Variants in MSRB3 observed in about 807,000 individuals in gnomAD.
The protein encoded by MSRB3 is methionine sulfoxide reductase B3.
Under a neutral mutation model 21.0 loss-of-function variants are expected in MSRB3, and 13 were observed. The observed-to-expected ratio is 0.62, with a 90% confidence interval of 0.40 to 0.98. MSRB3 has a LOEUF of 0.98. Ranked by LOEUF, MSRB3 falls within the 50% of genes least tolerant of loss-of-function variation. MSRB3 has a pLI of 0.00. For synonymous variants in MSRB3, 87 were observed against 88.6 expected, an observed-to-expected ratio of 0.98 and a Z score of 0.10; for missense variants, 199 against 230.3, an observed-to-expected ratio of 0.86 and a Z score of 0.88.
At chr12:65,347,079 G>A (rs559606521) in intron 4 of MSRB3, among the ~76,000 whole-genome samples, 34 of 152,242 alleles carry the variant, frequency 2.2e-4, no homozygotes, top group African/African-American at 7.7e-4. Context: ...CTCTGTTTTG[G>A]TTCCATATGA....
intron 5 of MSRB3, among the ~76,000 whole-genome samples, chr12:65,434,596 A>G (rs1882035423): frequency 6.6e-6 from 1 of 151,880 alleles, no homozygotes; most frequent in Non-Finnish European, 1.5e-5. Context: ...AGTTGTAAAA[A>G]TTCCAGTCCA....
intron 1 of MSRB3, among the ~76,000 whole-genome samples, chr12:65,307,188 G>A (rs1489320692): frequency 6.6e-6 from 1 of 152,124 alleles, no homozygotes; most frequent in East Asian, 1.9e-4. Context: ...GCAGTCACTC[G>A]TGAAAATGAC....
intron 4 of MSRB3, among the ~76,000 whole-genome samples, chr12:65,347,293 T>A (rs1034881458): frequency 2.0e-5 from 3 of 152,186 alleles, no homozygotes; most frequent in Admixed American, 6.6e-5. Flanking sequence ...CTTGAAGAGA[T>A]CCTTCACGTC....
At chr12:65,371,839 T>G (rs2136539338) in intron 5 of MSRB3, among the ~76,000 whole-genome samples, 1 of 152,276 alleles carries the variant, frequency 6.6e-6, no homozygotes, top group Middle Eastern at 3.4e-3. Context: ...TGATCAGAAT[T>G]GCATCTTTCT....
chr12:65,424,551 A>T (rs904421089), intron 5 of MSRB3, among the ~76,000 whole-genome samples: 2 of 151,912 alleles, frequency 1.3e-5, no homozygotes, highest in Non-Finnish European at 2.9e-5. Context: ...TTTTTCTTTT[A>T]ATTTCTTCTT....
chr12:65,322,382 G>A (rs1874729659), intron 2 of MSRB3, among the ~76,000 whole-genome samples: 1 of 152,102 alleles, frequency 6.6e-6, no homozygotes, highest in Admixed American at 6.6e-5. Flanking sequence ...TGACTGGCTG[G>A]GTGTGGTGGC....
intron 5 of MSRB3, among the ~76,000 whole-genome samples, chr12:65,427,842 G>C (rs533062205): frequency 6.6e-6 from 1 of 152,348 alleles, no homozygotes; most frequent in Non-Finnish European, 1.5e-5. Context: ...TGCCTGGAGT[G>C]CAGCCATGCA....
At chr12:65,375,084 A>G (rs1592577741) in intron 5 of MSRB3, among the ~76,000 whole-genome samples, 1 of 148,886 alleles carries the variant, frequency 6.7e-6, no homozygotes, top group East Asian at 2.0e-4. Flanking sequence ...TGACCTCGTG[A>G]TCAGCTCGCC....
chr12:65,288,420 A>T (rs934740864), intron 1 of MSRB3, among the ~76,000 whole-genome samples: 2 of 152,054 alleles, frequency 1.3e-5, no homozygotes, highest in African/African-American at 4.8e-5. Context: ...ATGTCTTTTT[A>T]AAAAATATTT....
In MSRB3 at chr12:65,351,880, A is replaced by C. The variant is rs565653187; in HGVS notation, c.264-17118A>C. Among the ~76,000 whole-genome samples, 8 of 152,276 alleles carry C rather than the reference A, an allele frequency of 5.3e-5. 1 individual carries two copies. In the South Asian group the frequency reaches 1.4e-3, roughly 28 times the overall value. ...TGGATTCACAGCCGAATTCTATCAG[A>C]GGTACAAGGAGGAACTGGTACCATT... On this transcript the variant is annotated intron_variant, in intron 4 of 6. Coordinates refer to ENST00000308259, the MANE Select transcript of MSRB3 (RefSeq NM_001031679.3).
At chr12:65,421,732 A>G (rs1881307875) in intron 5 of MSRB3, among the ~76,000 whole-genome samples, 2 of 152,218 alleles carry the variant, frequency 1.3e-5, no homozygotes, top group Admixed American at 1.3e-4. Flanking sequence ...TGAAAGGAGC[A>G]CTAAATATGG....
intron 5 of MSRB3, among the ~76,000 whole-genome samples, chr12:65,390,276 A>C (rs1487906207): frequency 6.6e-6 from 1 of 152,084 alleles, no homozygotes; most frequent in Non-Finnish European, 1.5e-5. Flanking sequence ...CCCCAAACGC[A>C]ACTCCTTCAG....
intron 4 of MSRB3, among the ~76,000 whole-genome samples, chr12:65,351,031 G>A (rs1201703685): frequency 3.6e-4 from 55 of 151,606 alleles, no homozygotes; most frequent in African/African-American, 8.5e-4. Flanking sequence ...ACCACACCAC[G>A]CCTATTCCAA....
chr12:65,461,669 AT>A (rs1592659223), intron 6 of MSRB3, among the ~76,000 whole-genome samples: 1 of 151,994 alleles, frequency 6.6e-6, no homozygotes, highest in East Asian at 1.9e-4. Context: ...ACTTTCTCTC[AT>A]TTTTCTCTCT....
chr12:65,443,830 A>G (rs1882494018), intron 5 of MSRB3, among the ~76,000 whole-genome samples: 1 of 152,140 alleles, frequency 6.6e-6, no homozygotes, highest in Non-Finnish European at 1.5e-5. Flanking sequence ...TGTAAAAAGG[A>G]AACTCTGGAC....
chr12:65,290,675 G>C (rs745604228), intron 1 of MSRB3, among the ~76,000 whole-genome samples: 1 of 152,118 alleles, frequency 6.6e-6, no homozygotes, highest in African/African-American at 2.4e-5. Context: ...CTGTGGTTTG[G>C]AATTGATTCC....
chr12:65,414,952 T>C (rs1249117928), intron 5 of MSRB3, among the ~76,000 whole-genome samples: 1 of 152,130 alleles, frequency 6.6e-6, no homozygotes, highest in East Asian at 1.9e-4. Flanking sequence ...ATATAAATGT[T>C]GGAGTTTAGA....
intron 4 of MSRB3, among the ~76,000 whole-genome samples, chr12:65,332,208 C>G (rs1298262436): frequency 6.6e-6 from 1 of 152,108 alleles, no homozygotes; most frequent in Non-Finnish European, 1.5e-5. Context: ...AAACCACTCA[C>G]TAGTCTAGTA....
chr12:65,318,169 C>A (rs573165150), intron 2 of MSRB3, among the ~76,000 whole-genome samples: 50 of 152,144 alleles, frequency 3.3e-4, no homozygotes, highest in African/African-American at 1.2e-3. Flanking sequence ...TGAGTGGCAA[C>A]TGAAGACTTG....
Sources: gnomAD v4.1 joint callset for allele counts (sites outside exome capture counted in the v4.1 genomes callset) on GRCh38, gnomAD v4.1.1 for gene constraint, MANE v1.5 for transcripts, NCBI Gene and HGNC (gene_info 2026-07-23, HGNC 2026-07-21) for gene names.